The following COL6A5 variants were observed in gnomAD, a reference collection of about 807,000 sequenced individuals.
COL6A5 encodes collagen type VI alpha 5 chain, also known as collagen alpha-5(VI) chain.
Under a neutral mutation model 65.6 loss-of-function variants are expected in COL6A5, and 48 were observed. The observed-to-expected ratio is 0.73, with a 90% CI of 0.58 to 0.93. COL6A5 has a LOEUF of 0.93. Among genes scored for constraint, COL6A5 ranks in the 40% least tolerant of loss-of-function variants. COL6A5 has a pLI of 0.00. For missense variants in COL6A5, 914 were observed against 928.3 expected, an observed-to-expected ratio of 0.98 and a Z score of 0.20; for synonymous variants, 291 against 322.8, an observed-to-expected ratio of 0.90 and a Z score of 1.05.
chr3:130,484,097 C>G lies in COL6A5; in HGVS notation c.*56C>G, dbSNP rs1710318107. ...ATAGCTCCACTGACATGTATAATCC[C>G]ATGTGGTTCTAACCAGAATGTATAA... On this transcript the variant is annotated 3_prime_UTR_variant, in exon 8 of 8. Transcript: ENST00000512836. The G allele has an allele frequency of 1.0e-5, 16 of 1,583,890 alleles. No homozygotes were observed. The East Asian group carries it at 3.6e-4, about 36-fold the overall frequency.
intron 7 of COL6A5, among the ~76,000 whole-genome samples, chr3:130,481,013 G>A (rs1020896060): frequency 6.6e-6 from 1 of 152,030 alleles, no homozygotes; most frequent in Non-Finnish European, 1.5e-5. Flanking sequence ...GATTTCCTGA[G>A]CTGAGGCAAG....
At chr3:130,426,702 T>C (rs1937610262), upstream of COL6A5, among the ~76,000 whole-genome samples, 2 of 152,002 alleles carry the variant, frequency 1.3e-5, no homozygotes, top group African/African-American at 2.4e-5. Context: ...GTATAACAGT[T>C]ATGAGCGAAA....
In COL6A5 at chr3:130,418,875, C is replaced by T. The variant is rs1342280246; in HGVS notation, c.4894C>T (p.Pro1632Ser). The T allele has an allele frequency of 1.9e-6, 3 of 1,550,512 alleles. No individual in the cohort carries two copies. In the Admixed American group the frequency reaches 5.9e-5, roughly 30 times the overall value. The change falls in exon 25 of 42, where the codon CCT becomes TCT. Residue 1632 changes from proline to serine, a missense_variant and NMD_transcript_variant. Coordinates refer to the COL6A5 transcript ENST00000312481. ...TTCTTGTCCCACTTACTAGGGAGAG[C>T]CTGGACTTCCTGGAGATCTAGGGCC...
chr3:130,422,871 C>G (rs1937541097), intron 28 of COL6A5, 89 bp downstream of exon 28: 1 of 823,738 alleles, frequency 1.2e-6, no homozygotes, highest in East Asian at 3.0e-5. Flanking sequence ...ATTATTGATT[C>G]AACCCAAGGG....
At chr3:130,424,240 C>G (rs1937564247) in intron 29 of COL6A5, among the ~76,000 whole-genome samples, 1 of 152,000 alleles carries the variant, frequency 6.6e-6, no homozygotes, top group African/African-American at 2.4e-5. Context: ...TGGTTAACTC[C>G]AGTGTTAACT....
intron 7 of COL6A5, among the ~76,000 whole-genome samples, chr3:130,473,523 A>G (rs1710012563): frequency 6.6e-6 from 1 of 152,118 alleles, no homozygotes; most frequent in African/African-American, 2.4e-5. Context: ...AAAATTAAAG[A>G]GAAACCCTTT....
At chr3:130,375,168 T>C (rs935949251) in intron 2 of COL6A5, among the ~76,000 whole-genome samples, 3 of 152,206 alleles carry the variant, frequency 2.0e-5, no homozygotes, top group African/African-American at 7.2e-5. Context: ...TCCCAGCTAC[T>C]GTGAATATTG....
chr3:130,418,913 T>C, exon 25 of COL6A5: 3 of 1,550,726 alleles, frequency 1.9e-6, no homozygotes, highest in East Asian at 2.4e-5. Flanking sequence ...TGGGGCAAAC[T>C]GGGCAGCGAG....
chr3:130,446,559 A>G lies in COL6A5; in HGVS notation c.1332+2993A>G, dbSNP rs141071057. 9.8e-5 allele frequency among the ~76,000 whole-genome samples: 15 copies of G among 152,296 alleles called. No individual in the cohort carries two copies. The East Asian group carries it at 2.9e-3, about 29-fold the overall frequency. On this transcript the variant is annotated intron_variant, in intron 4 of 7. Transcript: ENST00000512836. ...ATTAGTTAGATCGGTCTCCATTGCC[A>G]TCAGGGAGGACTGATTTAAACCCAT...
At chr3:130,353,064 A>T in intron 1 of COL6A5, among the ~76,000 whole-genome samples, 1 of 152,226 alleles carries the variant, frequency 6.6e-6, no homozygotes, top group East Asian at 1.9e-4. Flanking sequence ...ATCAAGTGAA[A>T]ATTATGAAAC....
rs78983126 is a variant in COL6A5, at chr3:130,395,189, C to T, written c.3292C>T (p.His1098Tyr). 3.4e-4 allele frequency: 527 copies of T among 1,551,700 alleles called. 4 individuals are homozygous for T. In the East Asian group the frequency reaches 0.012, roughly 36 times the overall value. ...AAAAGTGAGCAATATGTTTAATCTA[C>T]ATGCTGGTGGGAGAAGAAATGCTGG... Residue 1098 changes from histidine to tyrosine, a missense_variant and NMD_transcript_variant, in exon 8 of 42, where the codon CAT (histidine) becomes TAT (tyrosine). Transcript: ENST00000312481.
At chr3:130,406,987 A>G (rs569165404) in intron 17 of COL6A5, among the ~76,000 whole-genome samples, 38 of 152,308 alleles carry the variant, frequency 2.5e-4, no homozygotes, top group Non-Finnish European at 5.3e-4. Context: ...GGAGACAGAC[A>G]TATCAATAGA....
intron 7 of COL6A5, among the ~76,000 whole-genome samples, chr3:130,480,559 G>A (rs1378542388): frequency 6.6e-6 from 1 of 151,934 alleles, no homozygotes; most frequent in African/African-American, 2.4e-5. Context: ...AGTAAATAAT[G>A]GTGGACTCTG....
chr3:130,471,212 G>A (rs191217), intron 7 of COL6A5, among the ~76,000 whole-genome samples: 110,657 of 151,646 alleles, frequency 0.73, 41,741 homozygotes, highest in Non-Finnish European at 0.84. Flanking sequence ...TTTACCAAAA[G>A]TAGCCTCCTA....
At chr3:130,452,109 T>C (rs932735430) in intron 4 of COL6A5, among the ~76,000 whole-genome samples, 2 of 152,142 alleles carry the variant, frequency 1.3e-5, no homozygotes, top group Non-Finnish European at 2.9e-5. Context: ...GAGTTTAATA[T>C]AGCAGAGATA....
At chr3:130,414,338 A>T (rs1937276881) in intron 22 of COL6A5, among the ~76,000 whole-genome samples, 1 of 152,098 alleles carries the variant, frequency 6.6e-6, no homozygotes, top group Non-Finnish European at 1.5e-5. Flanking sequence ...TAGAGGAAAG[A>T]TGTGCTCTTG....
In COL6A5 at chr3:130,392,517, G is replaced by T. The variant is rs180933715; in HGVS notation, c.2992+763G>T. 5.0e-3 allele frequency among the ~76,000 whole-genome samples: 757 copies of T among 152,234 alleles called. 8 individuals carry two copies. The highest frequency in any genetic ancestry group is 0.017 in the African/African-American group (719 of 41,546). ...TGGAAGGTCTGAATTCTTGTGGTTTGTTATTGGCCCAGTCCTCCCAATCTG... is the reference window on the plus strand; with the variant it reads ...TGGAAGGTCTGAATTCTTGTGGTTTTTTATTGGCCCAGTCCTCCCAATCTG... On this transcript the variant is annotated intron_variant and NMD_transcript_variant, in intron 7 of 41. Transcript: ENST00000312481.
chr3:130,434,322 T>C (rs1577505742), intron 1 of COL6A5, among the ~76,000 whole-genome samples: 1 of 152,338 alleles, frequency 6.6e-6, no homozygotes, highest in Admixed American at 6.5e-5. Context: ...ACATTTTCTT[T>C]ATCCAGTCTA....
At chr3:130,451,809 G>A (rs1709447837) in intron 4 of COL6A5, among the ~76,000 whole-genome samples, 1 of 152,136 alleles carries the variant, frequency 6.6e-6, no homozygotes, top group Non-Finnish European at 1.5e-5. Context: ...CAGAGAGGAA[G>A]GTTGAGGAAA....
Sources: allele counts gnomAD v4.1 joint callset (sites outside exome capture counted in the v4.1 genomes callset), GRCh38; gene constraint gnomAD v4.1.1; transcripts MANE v1.5; gene names NCBI Gene and HGNC (gene_info 2026-07-23, HGNC 2026-07-21).